CPNE3: variants seen among roughly 807,000 people sequenced by gnomAD.
CPNE3 encodes the protein copine-3.
Under a neutral mutation model 63.9 loss-of-function variants are expected in CPNE3, and 68 were observed. The observed-to-expected ratio is 1.06, with a 90% CI of 0.87 to 1.30. The LOEUF (loss-of-function observed/expected upper bound fraction) is 1.30. Ranked by LOEUF, CPNE3 falls within the 50% of genes most tolerant of loss-of-function variation. The pLI is 0.00. For synonymous variants in CPNE3, 219 were observed against 197.5 expected (o/e 1.11, Z -0.91); for missense variants, 665 against 578.1 (o/e 1.15, Z -1.54).
Position 86,544,758 on chromosome 8 carries a change from G to T in CPNE3, c.652G>T (p.Asp218Tyr). 6.5e-7 allele frequency: 1 copy of T among 1,536,618 alleles called. No homozygotes were observed. Among genetic ancestry groups the T allele is most frequent in the Non-Finnish European group, 8.8e-7 (1 of 1,138,512 alleles). Residue 218 changes from aspartate (D) to tyrosine (Y), a missense_variant, in exon 9 of 17, where the codon GAC becomes TAC. Transcript: ENST00000517490. ...KTIKVECYDY[D>Y]NDGSHDLIGT... ...ATTTCAGGTGGAGTGTTATGATTAT[G>T]ACAATGATGGGTCACATGATCTCAT...
chr8:86,554,702 C>T (rs949910637), intron 14 of CPNE3, 149 bp from the exon 15 acceptor site: 36 of 862,542 alleles, frequency 4.2e-5, no homozygotes, highest in Non-Finnish European at 5.9e-5. Context: ...TTATGTAATA[C>T]ATAGCTTAGA....
chr8:86,530,920 G>T (rs893777779), intron 4 of CPNE3, among the ~76,000 whole-genome samples: 3 of 151,926 alleles, frequency 2.0e-5, no homozygotes, highest in African/African-American at 7.3e-5. Flanking sequence ...TTAAACTCCT[G>T]ACCTCAGGTA....
chr8:86,529,865 T>C (rs1227361437), intron 4 of CPNE3, among the ~76,000 whole-genome samples: 1 of 152,196 alleles, frequency 6.6e-6, no homozygotes, highest in African/African-American at 2.4e-5. Flanking sequence ...TTTACAAGTT[T>C]ATTTTTCAAG....
chr8:86,516,934 G>T (rs1271549731), intron 2 of CPNE3, among the ~76,000 whole-genome samples: 1 of 152,168 alleles, frequency 6.6e-6, no homozygotes, highest in African/African-American at 2.4e-5. Context: ...TGCCACCACT[G>T]CTCACCAAAG....
chr8:86,556,876 T>C (rs981535274), intron 16 of CPNE3, among the ~76,000 whole-genome samples: 2 of 152,208 alleles, frequency 1.3e-5, no homozygotes, highest in African/African-American at 4.8e-5. Context: ...ATTTCTATAA[T>C]CTTATCATTT....
At position 86,557,297 on chromosome 8, in the gene CPNE3, C is replaced by A. The variant is rs147799906; in HGVS notation, c.1491+959C>A. On this transcript the variant is annotated intron_variant, in intron 16 of 16. Coordinates refer to ENST00000517490, the MANE Select transcript of CPNE3 (RefSeq NM_003909.5). ...TACAGGTGTGCACCACTATGCCTGG[C>A]AATTTTTTTCTATTTTTTAGTAGAG... Among the ~76,000 whole-genome samples, 160 of 152,124 alleles carry A rather than the reference C, an allele frequency of 1.1e-3. 5 individuals carry two copies. The East Asian group carries it at 0.03, about 28-fold the overall frequency.
rs914088494 is a variant in CPNE3, at chr8:86,523,428, T to C, written c.-10-5108T>C. Among the ~76,000 whole-genome samples, 8 of 152,094 alleles carry C rather than the reference T, an allele frequency of 5.3e-5. 1 individual carries two copies. Among genetic ancestry groups the C allele is most frequent in the Admixed American group, 5.2e-4 (8 of 15,264 alleles). On this transcript the variant is annotated intron_variant, in intron 2 of 16. Transcript: ENST00000517490. ...TCAGGAAGAAGAGGAAGTGGTAAAA[T>C]ATGTTCGCTGCCCACAGTTCACAGT...
rs1333106049 is a variant in CPNE3 at position 86,552,629 on chromosome 8, T to C, written c.1120+1395T>C. ...GTTTGGTTTTAAACAAAGGAGATAC[T>C]ATACAGCAAAAAGCTCAGAGCCTTA... On this transcript the variant is annotated intron_variant, in intron 14 of 16. Transcript: ENST00000517490. 2.0e-5 allele frequency among the ~76,000 whole-genome samples: 3 copies of C among 151,908 alleles called. No homozygotes were observed. In the South Asian group the frequency reaches 6.3e-4, roughly 32 times the overall value.
intron 2 of CPNE3, 62 bp downstream of exon 2, chr8:86,515,561 T>G (rs1820278942): frequency 6.6e-6 from 1 of 152,254 alleles, no homozygotes; most frequent in African/African-American, 2.4e-5. Context: ...CAGGCTTTAT[T>G]GCTTAATGTA....
At position 86,544,790 on chromosome 8, in the gene CPNE3, A is replaced by G. The variant is rs368024006; in HGVS notation, c.684A>G (p.Thr228=). The G allele has an allele frequency of 7.8e-5, 125 of 1,594,084 alleles. 1 individual carries two copies. The South Asian group carries it at 1.0e-3, about 13-fold the overall frequency. Residue 228 remains threonine (T), a synonymous_variant, in exon 9 of 17, where the codon ACA becomes ACG. Transcript: ENST00000517490. ...DNDGSHDLIG[T]FQTTMTKLKE... ...ATGGGTCACATGATCTCATTGGAAC[A>G]TTTCAGACCACCATGACAAAACTGA...
At position 86,551,331 on chromosome 8, in the gene CPNE3, A is replaced by G. The variant is rs1340203441; in HGVS notation, c.1120+97A>G. 6.9e-6 allele frequency: 6 copies of G among 865,278 alleles called. No individual in the cohort carries two copies. In the East Asian group the frequency reaches 1.5e-4, roughly 22 times the overall value. The allele number at this position is 865,278 out of a possible 1,614,324, so 53.6% of individuals were successfully genotyped here. On this transcript the variant is annotated intron_variant, in intron 14 of 16. Transcript: ENST00000517490. The stretch of plus-strand genomic sequence containing the variant: ...CTTTGTTTTTTTTCTTGTGATTAAA[A>G]CTACTCAAATTTCATCTCTAGGTTT...
intron 2 of CPNE3, among the ~76,000 whole-genome samples, chr8:86,523,293 G>T (rs1166311476): frequency 6.6e-6 from 1 of 152,108 alleles, no homozygotes; most frequent in East Asian, 1.9e-4. Flanking sequence ...AGACAATTTG[G>T]CAGAGGTGAC....
chr8:86,548,476 A>T, intron 12 of CPNE3, 42 bp downstream of exon 12: 1 of 1,611,964 alleles, frequency 6.2e-7, no homozygotes, highest in Non-Finnish European at 8.5e-7. Flanking sequence ...TGTTTTCACA[A>T]TTCCCCAGAA....
intron 14 of CPNE3, among the ~76,000 whole-genome samples, chr8:86,552,410 A>G (rs544187504): frequency 6.6e-6 from 1 of 152,262 alleles, no homozygotes; most frequent in African/African-American, 2.4e-5. Context: ...TATTCTTTTT[A>G]AGAAATATGC....
At position 86,540,248 on chromosome 8, in the gene CPNE3, G is replaced by T; in HGVS notation, c.547G>T (p.Val183Phe). ...TTTTGAAACCACATTTTTATAGGTT[G>T]TTAAAAACAACTTGAATCCTGTTTG... is the stretch of plus-strand genomic sequence containing the variant. Reference protein sequence around the residue: ...NWLMVHRTEVVKNNLNPVWRP... With the variant: ...NWLMVHRTEVFKNNLNPVWRP... Residue 183 changes from valine (V) to phenylalanine (F), a missense_variant, in exon 8 of 17, where the codon GTT (valine) becomes TTT (phenylalanine). Coordinates refer to ENST00000517490, the MANE Select transcript of CPNE3 (RefSeq NM_003909.5). 6.2e-7 allele frequency: 1 copy of T among 1,604,530 alleles called. No individual in the cohort carries two copies. Among genetic ancestry groups the T allele is most frequent in the Admixed American group, 1.7e-5 (1 of 59,674 alleles).
intron 6 of CPNE3, among the ~76,000 whole-genome samples, chr8:86,536,229 T>C (rs1024817256): frequency 6.0e-5 from 9 of 150,322 alleles, no homozygotes; most frequent in Non-Finnish European, 1.0e-4. Flanking sequence ...TGTGTATGTG[T>C]TCATATGTAT....
chr8:86,518,640 A>C (rs1397899392), intron 2 of CPNE3, among the ~76,000 whole-genome samples: 1 of 152,240 alleles, frequency 6.6e-6, no homozygotes, highest in Non-Finnish European at 1.5e-5. Context: ...CAAATTTAGC[A>C]GTAGGGGGTG....
At chr8:86,548,550 T>C in intron 12 of CPNE3, 116 bp downstream of exon 12, 1 of 1,285,112 alleles carries the variant, frequency 7.8e-7, no homozygotes, top group Non-Finnish European at 1.1e-6. Flanking sequence ...GCTTTCTCCC[T>C]AAAATCCCCC....
intron 14 of CPNE3, 157 bp downstream of exon 14, chr8:86,551,391 G>A: frequency 1.6e-6 from 1 of 622,496 alleles, no homozygotes; most frequent in Admixed American, 3.0e-5. Flanking sequence ...TGTTGTATAA[G>A]GTAGAAGAAT....
Sources: gnomAD v4.1 joint callset for allele counts (sites outside exome capture counted in the v4.1 genomes callset) on GRCh38, gnomAD v4.1.1 for gene constraint, MANE v1.5 for transcripts, NCBI Gene and HGNC (gene_info 2026-07-23, HGNC 2026-07-21) for gene names.